The following PTPRD variants were observed in gnomAD, a reference collection of about 807,000 sequenced individuals.
PTPRD encodes the protein protein tyrosine phosphatase receptor type D.
In PTPRD, 34 loss-of-function variants were observed where a neutral mutation model predicts 214.5. That is an observed-to-expected ratio of 0.16 (90% CI 0.12 to 0.21). PTPRD has a LOEUF of 0.21. PTPRD is among the 10% of genes least tolerant of loss of function. PTPRD has a pLI of 1.00. For synonymous variants in PTPRD, 1,128 were observed against 845.7 expected (o/e 1.33, Z -5.79); for missense variants, 2,545 against 2,398.7 (o/e 1.06, Z -1.27).
chr9:9,196,417 A>G (rs1399757212), intron 9 of PTPRD, among the ~76,000 whole-genome samples: 1 of 152,166 alleles, frequency 6.6e-6, no homozygotes, highest in Admixed American at 6.5e-5. Flanking sequence ...CTGCCATGAT[A>G]TACCTTTTAA....
intron 2 of PTPRD, among the ~76,000 whole-genome samples, chr9:10,435,421 AAGAC>A (rs2098710848): frequency 6.6e-6 from 1 of 151,906 alleles, no homozygotes; most frequent in South Asian, 2.1e-4. Context: ...AAGAAATCAA[AAGAC>A]AGACAGGTGA....
chr9:9,933,160 C>T (rs532588443), intron 5 of PTPRD, among the ~76,000 whole-genome samples: 1 of 152,354 alleles, frequency 6.6e-6, no homozygotes, highest in African/African-American at 2.4e-5. Context: ...TAGGAAGTAA[C>T]TGCATCAACT....
chr9:8,423,679 T>A (rs961000695), intron 35 of PTPRD, among the ~76,000 whole-genome samples: 1 of 152,132 alleles, frequency 6.6e-6, no homozygotes, highest in African/African-American at 2.4e-5. Context: ...GTCTCACTTT[T>A]TTTTAATCTT....
chr9:9,600,149 G>A (rs1239600073), intron 7 of PTPRD, among the ~76,000 whole-genome samples: 1 of 152,048 alleles, frequency 6.6e-6, no homozygotes, highest in African/African-American at 2.4e-5. Flanking sequence ...AAAATGACAC[G>A]ATAGAGGTAC....
At chr9:9,397,804 T>C (rs1237631045) in intron 8 of PTPRD, among the ~76,000 whole-genome samples, 1 of 152,016 alleles carries the variant, frequency 6.6e-6, no homozygotes. Flanking sequence ...ATCTCTTTAA[T>C]ACAATCTTGG....
intron 4 of PTPRD, among the ~76,000 whole-genome samples, chr9:9,994,853 A>T (rs2096068342): frequency 6.6e-6 from 1 of 152,126 alleles, no homozygotes; most frequent in African/African-American, 2.4e-5. Context: ...TTTAGGTGAG[A>T]GTAGTTAAGT....
At chr9:10,241,098 T>C (rs1384272620) in intron 3 of PTPRD, among the ~76,000 whole-genome samples, 1 of 151,630 alleles carries the variant, frequency 6.6e-6, no homozygotes, top group Non-Finnish European at 1.5e-5. Context: ...CATAAAAAGA[T>C]GCTCAACATC....
chr9:10,181,156 A>C (rs1216547194), intron 3 of PTPRD, among the ~76,000 whole-genome samples: 2 of 152,092 alleles, frequency 1.3e-5, no homozygotes, highest in Non-Finnish European at 2.9e-5. Flanking sequence ...TTTTATATAG[A>C]CAATTCAGGA....
At chr9:8,440,833 G>C (rs1450010875) in intron 34 of PTPRD, among the ~76,000 whole-genome samples, 1 of 152,118 alleles carries the variant, frequency 6.6e-6, no homozygotes, top group African/African-American at 2.4e-5. Flanking sequence ...TAAAATCATG[G>C]CATTTTAACC....
intron 30 of PTPRD, among the ~76,000 whole-genome samples, chr9:8,482,857 GTCTC>G (rs1402794415): frequency 6.6e-6 from 1 of 152,106 alleles, no homozygotes. Context: ...TTTGCATATA[GTCTC>G]TCTTTTATTA....
chr9:8,489,522 G>T (rs2097105521), intron 27 of PTPRD, among the ~76,000 whole-genome samples: 1 of 152,180 alleles, frequency 6.6e-6, no homozygotes, highest in African/African-American at 2.4e-5. Context: ...ACTCAGTAAA[G>T]AAATGAATGC....
At chr9:9,228,151 G>A (rs1052476122) in intron 9 of PTPRD, among the ~76,000 whole-genome samples, 3 of 151,928 alleles carry the variant, frequency 2.0e-5, no homozygotes, top group Non-Finnish European at 2.9e-5. Flanking sequence ...TATTTCTAAG[G>A]TATCACTTGC....
chr9:10,335,220 T>C (rs575258836), intron 3 of PTPRD, among the ~76,000 whole-genome samples: 131 of 151,858 alleles, frequency 8.6e-4, no homozygotes, highest in African/African-American at 3.0e-3. Context: ...GACTGTGTGG[T>C]ACTGGCAAAA....
chr9:8,645,507 G>C (rs1293188493), intron 12 of PTPRD, among the ~76,000 whole-genome samples: 1 of 152,006 alleles, frequency 6.6e-6, no homozygotes, highest in Non-Finnish European at 1.5e-5. Context: ...TTTTATTTAG[G>C]CCTCAACTCT....
intron 5 of PTPRD, among the ~76,000 whole-genome samples, chr9:9,795,820 T>C: frequency 6.6e-6 from 1 of 152,070 alleles, no homozygotes; most frequent in Non-Finnish European, 1.5e-5. Flanking sequence ...TCTGACAATG[T>C]CTGGGAGTTC....
At chr9:9,338,220 T>C (rs2045362921) in intron 9 of PTPRD, among the ~76,000 whole-genome samples, 1 of 152,218 alleles carries the variant, frequency 6.6e-6, no homozygotes, top group African/African-American at 2.4e-5. Flanking sequence ...TTCAAATTCT[T>C]GCTGTATCAT....
At chr9:10,079,216 T>A (rs1469305355) in intron 3 of PTPRD, among the ~76,000 whole-genome samples, 2 of 152,048 alleles carry the variant, frequency 1.3e-5, no homozygotes, top group East Asian at 3.9e-4. Flanking sequence ...TGTTTCCAGG[T>A]TAAGGTTGTG....
At chr9:8,517,544 C>T (rs1462563519) in intron 21 of PTPRD, among the ~76,000 whole-genome samples, 1 of 152,178 alleles carries the variant, frequency 6.6e-6, no homozygotes, top group Non-Finnish European at 1.5e-5. Flanking sequence ...AAAGAAGTGT[C>T]GTTTTTCTAT....
chr9:9,168,337 T>C (rs901684980), intron 10 of PTPRD, among the ~76,000 whole-genome samples: 4 of 152,202 alleles, frequency 2.6e-5, no homozygotes, highest in African/African-American at 9.7e-5. Flanking sequence ...TTAACATTTA[T>C]TCATTTTTTT....
Sources: allele counts gnomAD v4.1 joint callset (sites outside exome capture counted in the v4.1 genomes callset), GRCh38; gene constraint gnomAD v4.1.1; transcripts MANE v1.5; gene names NCBI Gene and HGNC (gene_info 2026-07-23, HGNC 2026-07-21).